The following ZNF335 variants were observed in gnomAD, a reference collection of about 807,000 sequenced individuals.
ZNF335 encodes zinc finger protein 335, also known as NRC-interacting factor 1.
A neutral mutation model predicts 145.6 loss-of-function variants in ZNF335; 84 were observed. The observed-to-expected ratio is 0.58, with a 90% CI of 0.48 to 0.69. The LOEUF is 0.69. ZNF335 is among the 30% of genes least tolerant of loss of function. ZNF335 has a pLI of 0.00. For missense variants in ZNF335, 1,865 were observed against 1,809.7 expected (o/e 1.03, Z -0.55); for synonymous variants, 761 against 717.0 (o/e 1.06, Z -0.98).
At position 45,950,415 on chromosome 20, in the gene ZNF335, A is replaced by G. The variant is rs188417804; in HGVS notation, c.3332+38T>C. 55 of 1,613,492 alleles carry G rather than the reference A, an allele frequency of 3.4e-5. No homozygotes were observed. The Admixed American group carries it at 4.3e-4, about 13-fold the overall frequency. ...GTGGCTCAGGTTAGCTCCACCATAC[A>G]TGCCCAGCAGTCCCCACCCACCAGT... On this transcript the variant is annotated intron_variant, in intron 21 of 27. Transcript: ENST00000322927.
chr20:45,954,847 A>G (rs2083697778), intron 17 of ZNF335, among the ~76,000 whole-genome samples: 1 of 141,958 alleles, frequency 7.0e-6, no homozygotes, highest in Non-Finnish European at 1.5e-5. Flanking sequence ...AGCTCACTGC[A>G]GCCTCAACCT....
In ZNF335 at chr20:45,960,376, C is replaced by A. The variant is rs759071194; in HGVS notation, c.1860-8G>T. On this transcript the variant is annotated splice_region_variant and splice_polypyrimidine_tract_variant and intron_variant, in intron 13 of 27. Coordinates refer to ENST00000322927, the MANE Select transcript of ZNF335 (RefSeq NM_022095.4). The stretch of plus-strand genomic sequence containing the variant: ...CAGAACTCACACTTGAACCTGGAGG[C>A]GGTTAGAGGGAGGGAAGCTCAGTAA... 3.7e-6 allele frequency: 6 copies of A among 1,614,032 alleles called. No individual in the cohort carries two copies. The East Asian group carries it at 1.3e-4, about 36-fold the overall frequency.
intron 14 of ZNF335, 92 bp from the exon 15 acceptor site, chr20:45,959,525 T>G: frequency 1.0e-6 from 1 of 967,140 alleles, no homozygotes; most frequent in South Asian, 2.7e-5. Context: ...TCTCTCCAAC[T>G]GACTGACTTC....
At chr20:45,954,683 A>G (rs1568810729) in intron 17 of ZNF335, among the ~76,000 whole-genome samples, 2 of 151,840 alleles carry the variant, frequency 1.3e-5, no homozygotes, top group African/African-American at 2.4e-5. Context: ...AAACAAATAC[A>G]GGACACAAAC....
chr20:45,969,451 T>C lies in ZNF335; in HGVS notation c.442A>G (p.Asn148Asp), dbSNP rs1215124701. ...TGTGGGGCTCCTCTGCCTGACTCAC[T>C]CTGGATGAGGTCGGGCCCGATGGTG... ...ESTIGPDLIQ[N>D]CITVTSAEDG... Residue 148 changes from asparagine (N) to aspartate (D), a missense_variant and splice_region_variant, in exon 3 of 28, where the codon AAC becomes GAC. Transcript: ENST00000322927. 9.8e-6 allele frequency: 15 copies of C among 1,523,278 alleles called. No individual in the cohort carries two copies. The highest frequency in any genetic ancestry group is 1.3e-5 in the Non-Finnish European group (15 of 1,124,356). 94.4% of individuals were successfully genotyped at this position (1,523,278 alleles called of 1,614,324 possible). A position where few individuals can be genotyped will look rare whatever the true frequency, so the allele number is the denominator to read the frequency against.
rs146217460 is a variant in ZNF335 at position 45,952,350 on chromosome 20, T to A, written c.2986A>T (p.Thr996Ser). The A allele has an allele frequency of 1.2e-6, 2 of 1,612,676 alleles. No homozygotes were observed. Among genetic ancestry groups the A allele is most frequent in the Non-Finnish European group, 1.7e-6 (2 of 1,179,516 alleles). ...SQSSASSPPATSKALGLAVPP... is the reference protein window; with the variant it reads ...SQSSASSPPASSKALGLAVPP... Reference sequence around the variant, plus strand: ...ACTGCCAGGCCCAGGGCTTTGCTGGTTGCAGGAGGTGAGGAGGCAGAGCTC... The same window carrying A: ...ACTGCCAGGCCCAGGGCTTTGCTGGATGCAGGAGGTGAGGAGGCAGAGCTC... Residue 996 changes from threonine (T) to serine (S), a missense_variant, in exon 20 of 28, where the codon ACC (threonine) becomes TCC (serine). Transcript: ENST00000322927.
At chr20:45,957,449 A>T (rs2083749450) in intron 17 of ZNF335, 137 bp downstream of exon 17, 1 of 776,648 alleles carries the variant, frequency 1.3e-6, no homozygotes, top group African/African-American at 1.7e-5. Context: ...ACTTCAGCAG[A>T]TCTGTCTCCT....
intron 9 of ZNF335, among the ~76,000 whole-genome samples, chr20:45,962,754 G>T (rs1399694036): frequency 1.3e-5 from 2 of 151,954 alleles, no homozygotes; most frequent in Non-Finnish European, 2.9e-5. Flanking sequence ...AAGGCTCAGG[G>T]CTGCTGCAGG....
chr20:45,957,127 C>T (rs932932567), intron 17 of ZNF335, among the ~76,000 whole-genome samples: 1 of 152,154 alleles, frequency 6.6e-6, no homozygotes, highest in Non-Finnish European at 1.5e-5. Flanking sequence ...TGGGGAGGTG[C>T]ATGAACCAAG....
chr20:45,949,312 C>T, intron 26 of ZNF335, 21 bp downstream of exon 26: 1 of 1,614,066 alleles, frequency 6.2e-7, no homozygotes, highest in Non-Finnish European at 8.5e-7. Flanking sequence ...CCCAGGTCTC[C>T]CTGTCCCCCC....
rs1259654374 is a variant in ZNF335 at position 45,968,307 on chromosome 20, C to G, written c.498G>C (p.Leu166=). Residue 166 remains leucine, a synonymous_variant, in exon 4 of 28, where the codon CTG becomes CTC. Transcript: ENST00000322927. ...EDGGAETTRY[L]ILQGPDDGAP... ...TACCATCATCTGGGCCCTGTAGGAT[C>G]AGGTACCGTGTGGTCTCGGCCCCGC... is the stretch of plus-strand genomic sequence containing the variant. 1.9e-6 allele frequency: 3 copies of G among 1,613,516 alleles called. No homozygotes were observed. Among genetic ancestry groups the G allele is most frequent in the Non-Finnish European group, 1.7e-6 (2 of 1,179,638 alleles).
At chr20:45,970,876 G>C (rs1217871141) in intron 2 of ZNF335, among the ~76,000 whole-genome samples, 1 of 151,664 alleles carries the variant, frequency 6.6e-6, no homozygotes, top group Non-Finnish European at 1.5e-5. Context: ...CAGGCGATGA[G>C]CTACCACTCC....
At chr20:45,964,221 G>A (rs542557887) in intron 7 of ZNF335, 9 of 447,538 alleles carry the variant, frequency 2.0e-5, no homozygotes, top group Middle Eastern at 5.6e-4. Context: ...TTAGAGCAAC[G>A]GCGAGAGCTG....
At chr20:45,967,693 C>A in intron 5 of ZNF335, 41 bp downstream of exon 5, 1 of 1,609,228 alleles carries the variant, frequency 6.2e-7, no homozygotes, top group Non-Finnish European at 8.5e-7. Flanking sequence ...CACCCCACCC[C>A]TACCCATGCA....
At chr20:45,959,877 C>T (rs2083801701) in intron 14 of ZNF335, among the ~76,000 whole-genome samples, 1 of 152,188 alleles carries the variant, frequency 6.6e-6, no homozygotes, top group African/African-American at 2.4e-5. Context: ...GCCCCAGTGC[C>T]AGCACACACA....
At chr20:45,971,524 C>A in intron 1 of ZNF335, 64 bp from the exon 2 acceptor site, 1 of 1,508,526 alleles carries the variant, frequency 6.6e-7, no homozygotes. Flanking sequence ...GCAACCACGG[C>A]CACCCATTTG....
Position 45,948,990 on chromosome 20 carries a change from C to T in ZNF335, c.3992G>A (p.Gly1331Asp), listed in dbSNP as rs146330933. The T allele has an allele frequency of 1.9e-6, 3 of 1,613,974 alleles. No individual in the cohort carries two copies. Among genetic ancestry groups the T allele is most frequent in the Non-Finnish European group, 2.5e-6 (3 of 1,180,042 alleles). Residue 1331 changes from glycine (G) to aspartate (D), a missense_variant, in exon 28 of 28, where the codon GGC becomes GAC. Coordinates refer to ENST00000322927, the MANE Select transcript of ZNF335 (RefSeq NM_022095.4). The stretch of plus-strand genomic sequence containing the variant: ...CAGGGTGATGACGTCGTACTCGATG[C>T]CCTGGTGCTGCAGCTGTTGAATGTG... Reference protein sequence around the residue: ...PEHIQQLQHQGIEYDVITLAD... With the variant: ...PEHIQQLQHQDIEYDVITLAD...
chr20:45,949,579 G>A lies in ZNF335; in HGVS notation c.3670-11C>T, dbSNP rs376616764. 4.4e-6 allele frequency: 7 copies of A among 1,606,132 alleles called. No individual in the cohort carries two copies. The highest frequency in any genetic ancestry group is 1.7e-5 in the Admixed American group (1 of 59,456). ...GATGATATACTGCACCTGTTGGTGG[G>A]GGGGGCGGGCATGGCGAGGCAGGTG... On this transcript the variant is annotated splice_polypyrimidine_tract_variant and intron_variant, in intron 24 of 27. Transcript: ENST00000322927.
rs1201395437 is a variant in ZNF335, at chr20:45,960,864, C to G, written c.1665G>C (p.Pro555=). The G allele has an allele frequency of 6.2e-7, 1 of 1,613,868 alleles. No individual in the cohort carries two copies. The highest frequency in any genetic ancestry group is 8.5e-7 in the Non-Finnish European group (1 of 1,179,942). ...TCCCAGGCCAGCACGCCAGACTCAC[C>G]GGATCTGGCCTCTTCTTCCTGTGGG... is the stretch of plus-strand genomic sequence containing the variant. ...HSRDRKKRPD[P]TPKLSSFPCP... is the part of the protein sequence containing the mutation. The change falls in exon 11 of 28, where the codon CCG becomes CCC. Residue 555 remains proline, a splice_region_variant and synonymous_variant. Transcript: ENST00000322927.
Sources: gnomAD v4.1 joint callset for allele counts (sites outside exome capture counted in the v4.1 genomes callset) on GRCh38, gnomAD v4.1.1 for gene constraint, MANE v1.5 for transcripts, NCBI Gene and HGNC (gene_info 2026-07-23, HGNC 2026-07-21) for gene names.